NDUFS2: variants seen among roughly 807,000 people sequenced by gnomAD.
NDUFS2 encodes NADH:ubiquinone oxidoreductase core subunit S2.
In NDUFS2, 38 loss-of-function variants were observed where a neutral mutation model predicts 69.6. The ratio of observed to expected loss-of-function variants is 0.55; its 90% CI spans 0.42 to 0.72. NDUFS2 has a LOEUF of 0.72. NDUFS2 is among the 30% of genes least tolerant of loss of function. NDUFS2 has a pLI of 0.00. For synonymous variants in NDUFS2, 194 were observed against 211.2 expected (o/e 0.92, Z 0.70); for missense variants, 468 against 595.0 (o/e 0.79, Z 2.22).
chr1:161,198,424 G>A (rs770962049), upstream of NDUFS2: 36 of 1,596,834 alleles, frequency 2.3e-5, no homozygotes, highest in Non-Finnish European at 2.8e-5. This position sits in a 1 kb window ranked among gnomAD's most constrained non-coding sequence, Gnocchi z 4.7. Flanking sequence ...GGACGCTGCC[G>A]TTGAGCTTCT....
rs1665923544 is a variant in NDUFS2 at position 161,214,147 on chromosome 1, C to T, written c.1355-9C>T. 2.5e-6 allele frequency: 4 copies of T among 1,613,944 alleles called. No individual in the cohort carries two copies. The East Asian group carries it at 6.7e-5, about 27-fold the overall frequency. ...TAACATCACTTTTTTCCTCCATCCT[C>T]TCACCTAGGTACCCAAGATATTGTA... On this transcript the variant is annotated splice_polypyrimidine_tract_variant and intron_variant, in intron 13 of 13. Transcript: ENST00000676972.
intron 9 of NDUFS2, 107 bp from the exon 10 acceptor site, chr1:161,212,244 T>A: frequency 7.3e-7 from 1 of 1,363,230 alleles, no homozygotes. Context: ...GAGAAAAGAG[T>A]GGGGAGAGTT....
chr1:161,203,645 G>A, intron 2 of NDUFS2, 102 bp downstream of exon 2: 1 of 1,010,102 alleles, frequency 9.9e-7, no homozygotes, highest in Non-Finnish European at 1.5e-6. Context: ...TCCCTGGCTG[G>A]AGTGCAGTGG....
At chr1:161,201,477 A>G (rs747331735), upstream of NDUFS2, among the ~76,000 whole-genome samples, 23 of 152,222 alleles carry the variant, frequency 1.5e-4, no homozygotes, top group Non-Finnish European at 2.9e-5. Flanking sequence ...AACAGGAACT[A>G]GCCTCTAAGG....
At chr1:161,203,683 ACTT>A (rs1231922763) in intron 2 of NDUFS2, 140 bp downstream of exon 2, 7 of 747,050 alleles carry the variant, frequency 9.4e-6, no homozygotes, top group Non-Finnish European at 1.4e-5. Flanking sequence ...GTAGCCTTGA[ACTT>A]CTGGGCTCAA....
intron 9 of NDUFS2, 68 bp from the exon 10 acceptor site, chr1:161,212,283 G>T: frequency 6.2e-7 from 1 of 1,605,534 alleles, no homozygotes. Context: ...TTGGCCAAAG[G>T]GCATCCTTCC....
At position 161,203,419 on chromosome 1, in the gene NDUFS2, C is replaced by A. The variant is rs1286526416; in HGVS notation, c.96-18C>A. 4 of 1,608,012 alleles carry A rather than the reference C, an allele frequency of 2.5e-6. No individual in the cohort carries two copies. Among genetic ancestry groups the A allele is most frequent in the Non-Finnish European group, 3.4e-6 (4 of 1,174,452 alleles). On this transcript the variant is annotated intron_variant, in intron 1 of 13. Coordinates refer to ENST00000676972, the MANE Select transcript of NDUFS2 (RefSeq NM_001377299.1). ...ACTGTTCAGGCCCTTTGTCTAGGAT[C>A]TGTCTTTGACTCCCCAGAGGTGTTC... is the stretch of plus-strand genomic sequence containing the variant.
intron 6 of NDUFS2, 60 bp from the exon 7 acceptor site, chr1:161,210,051 A>G: frequency 4.4e-6 from 7 of 1,594,694 alleles, no homozygotes; most frequent in Non-Finnish European, 6.0e-6. Context: ...GGGGGTGCTG[A>G]GAGGGCTCTC....
At chr1:161,198,735 C>A (rs550147120), upstream of NDUFS2, 3 of 1,117,092 alleles carry the variant, frequency 2.7e-6, no homozygotes, top group South Asian at 5.2e-5. This position sits in a 1 kb window ranked among gnomAD's most constrained non-coding sequence, Gnocchi z 4.7. Flanking sequence ...TGGACTCCTG[C>A]CAAGGTCAGA....
upstream of NDUFS2, chr1:161,198,355 C>A (rs201726247): frequency 6.2e-7 from 1 of 1,613,060 alleles, no homozygotes; most frequent in African/African-American, 1.3e-5. This position sits in a 1 kb window ranked among gnomAD's most constrained non-coding sequence, Gnocchi z 4.7. Flanking sequence ...CTAGTAGCAG[C>A]GTCTCCCCAA....
At position 161,209,090 on chromosome 1, in the gene NDUFS2, T is replaced by C. The variant is rs1665629333; in HGVS notation, c.394-103T>C. 2.0e-6 allele frequency: 3 copies of C among 1,513,212 alleles called. No homozygotes were observed. In the South Asian group the frequency reaches 3.4e-5, roughly 17 times the overall value. The allele number at this position is 1,513,212 out of a possible 1,614,324, so 93.7% of individuals were successfully genotyped here. A position where few individuals can be genotyped will look rare whatever the true frequency, so the allele number is the denominator to read the frequency against. ...GGGCTCCTGAGACTAGAAAGGCTTA[T>C]ACAGCACCAACTTCTGGTGCCGACT... On this transcript the variant is annotated intron_variant, in intron 3 of 13. Transcript: ENST00000676972.
At chr1:161,207,524 C>T (rs1040477163) in intron 3 of NDUFS2, among the ~76,000 whole-genome samples, 11 of 152,058 alleles carry the variant, frequency 7.2e-5, no homozygotes, top group African/African-American at 2.7e-4. Flanking sequence ...GAGGTCGAAG[C>T]AGGTGGATTA....
chr1:161,210,724 C>A lies in NDUFS2; in HGVS notation c.986+14C>A, dbSNP rs1231696096. 8 of 1,613,832 alleles carry A rather than the reference C, an allele frequency of 5.0e-6. No homozygotes were observed. Among genetic ancestry groups the A allele is most frequent in the South Asian group, 1.1e-5 (1 of 91,042 alleles). ...CTGCTATGATAGGTAAGGCCCCAATCCTTTCTTGGCTGATATTCCAGCTAG... is the reference window on the plus strand; with the variant it reads ...CTGCTATGATAGGTAAGGCCCCAATACTTTCTTGGCTGATATTCCAGCTAG... On this transcript the variant is annotated intron_variant, in intron 9 of 13. Transcript: ENST00000676972.
chr1:161,211,321 T>A lies in NDUFS2; in HGVS notation c.986+611T>A, dbSNP rs894294267. ...GTGGTCGAGACTAGAATCCTCCTGA[T>A]CCAGTGTTCTTTCTAGTAGATCCTA... On this transcript the variant is annotated intron_variant, in intron 9 of 13. Transcript: ENST00000676972. Among the ~76,000 whole-genome samples, 3 of 152,340 alleles carry A rather than the reference T, an allele frequency of 2.0e-5. No homozygotes were observed. In the South Asian group the frequency reaches 6.2e-4, roughly 32 times the overall value.
upstream of NDUFS2, chr1:161,199,390 C>T (rs1381211574): frequency 6.6e-6 from 1 of 152,318 alleles, no homozygotes; most frequent in Non-Finnish European, 1.5e-5. Context: ...TGGGAGAATT[C>T]CTGCTCTTAT....
chr1:161,204,653 A>G (rs1371171492), intron 2 of NDUFS2, among the ~76,000 whole-genome samples: 2 of 152,246 alleles, frequency 1.3e-5, no homozygotes, highest in African/African-American at 4.8e-5. Context: ...TACAGTAACA[A>G]TAGCTGAGTG....
chr1:161,198,891 T>G (rs1055017923), upstream of NDUFS2: 1 of 426,208 alleles, frequency 2.3e-6, no homozygotes, highest in Non-Finnish European at 4.2e-6. The surrounding 1 kb of genome is among the most constrained non-coding windows in gnomAD (Gnocchi z 4.7). Flanking sequence ...TCCCTGCCTG[T>G]GTCTTCTGCA....
At chr1:161,207,535 C>T (rs1425455731) in intron 3 of NDUFS2, among the ~76,000 whole-genome samples, 1 of 152,060 alleles carries the variant, frequency 6.6e-6, no homozygotes, top group Admixed American at 6.5e-5. Context: ...AGGTGGATTA[C>T]TTGAGGTCAG....
upstream of NDUFS2, chr1:161,198,709 C>A (rs963606749): frequency 5.3e-6 from 7 of 1,322,818 alleles, no homozygotes; most frequent in African/African-American, 8.9e-5. The surrounding 1 kb of genome is among the most constrained non-coding windows in gnomAD (Gnocchi z 4.7). Flanking sequence ...AAGCTCCTCT[C>A]TGTAGCCTGG....
Sources: gnomAD v4.1 joint callset for allele counts (sites outside exome capture counted in the v4.1 genomes callset) on GRCh38, gnomAD v4.1.1 for gene constraint, Gnocchi (gnomAD v3.1) non-coding constraint, MANE v1.5 for transcripts, NCBI Gene and HGNC (gene_info 2026-07-23, HGNC 2026-07-21) for gene names.